KIRREL3: variants seen among roughly 807,000 people sequenced by gnomAD.
KIRREL3 encodes the protein kirre like nephrin family adhesion molecule 3.
Under a neutral mutation model 89.7 loss-of-function variants are expected in KIRREL3, and 36 were observed. That is an observed-to-expected ratio of 0.40 (90% confidence interval 0.31 to 0.53). KIRREL3 has a LOEUF of 0.53. Ranked by LOEUF, KIRREL3 falls within the 20% of genes least tolerant of loss-of-function variation. The probability of loss-of-function intolerance (pLI) is 0.49; values close to 1 mark genes in which losing one functional copy is unlikely to be tolerated. For synonymous variants in KIRREL3, 445 were observed against 441.4 expected, an observed-to-expected ratio of 1.01 and a Z score of -0.10; for missense variants, 864 against 1,056.6, an observed-to-expected ratio of 0.82 and a Z score of 2.53.
At position 126,682,818 on chromosome 11, in the gene KIRREL3, C is replaced by T. The variant is rs1946519035; in HGVS notation, c.56-119906G>A. The stretch of plus-strand genomic sequence containing the variant: ...ATGTTCACTCACCTGCCGCTCACCT[C>T]CTGCTGTGTAGTCTGGTTCCTAACA... On this transcript the variant is annotated intron_variant, in intron 1 of 16. Coordinates refer to ENST00000525144, the MANE Select transcript of KIRREL3 (RefSeq NM_032531.4). The surrounding 1 kb of genome is among the most constrained non-coding windows in gnomAD (Gnocchi z 4.8). 6.6e-6 allele frequency among the ~76,000 whole-genome samples: 1 copy of T among 152,174 alleles called. No individual in the cohort carries two copies. Among genetic ancestry groups the T allele is most frequent in the East Asian group, 1.9e-4 (1 of 5,196 alleles).
At chr11:126,910,543 C>T (rs1946775831) in intron 1 of KIRREL3, among the ~76,000 whole-genome samples, 1 of 152,184 alleles carries the variant, frequency 6.6e-6, no homozygotes. Flanking sequence ...TACTAAGGTC[C>T]AGGCTCCGTG....
At position 126,465,624 on chromosome 11, in the gene KIRREL3, C is replaced by T. The variant is rs962998386; in HGVS notation, c.592-2317G>A. Among the ~76,000 whole-genome samples the T allele has an allele frequency of 6.6e-4, 101 of 152,324 alleles. 1 individual carries two copies. Among genetic ancestry groups the T allele is most frequent in the Admixed American group, 4.8e-3 (74 of 15,296 alleles). On this transcript the variant is annotated intron_variant, in intron 5 of 16. Coordinates refer to ENST00000525144, the MANE Select transcript of KIRREL3 (RefSeq NM_032531.4). ...CAGCACATCTTGCTGGAGGCAAAGC[C>T]GGACTGTGACATTCTAGAGAGCCAC...
chr11:126,807,985 T>A lies in KIRREL3; in HGVS notation c.55+192470A>T, dbSNP rs1951258961. ...CTGGCATGGTGTTATTTTTCCCAAA[T>A]GCACATTTGTGTGAGGCTCAGCACT... On this transcript the variant is annotated intron_variant, in intron 1 of 16. Transcript: ENST00000525144. The surrounding 1 kb of genome is among the most constrained non-coding windows in gnomAD (Gnocchi z 4.3). Among the ~76,000 whole-genome samples, 1 of 152,214 alleles carries A rather than the reference T, an allele frequency of 6.6e-6. No homozygotes were observed. The highest frequency in any genetic ancestry group is 2.1e-4 in the South Asian group (1 of 4,826).
chr11:126,424,786 A>G lies in KIRREL3; in HGVS notation c.2131T>C (p.Phe711Leu), dbSNP rs1319112407. The stretch of plus-strand genomic sequence containing the variant: ...CTGTCGCTGAGGGAGCCTCTCTGGA[A>G]CTCCCGCTCACAAAGCTCGATGGAC... Reference protein sequence around the residue: ...SSSIELCEREFQRGSLSDSSS... With the variant: ...SSSIELCERELQRGSLSDSSS... Residue 711 changes from phenylalanine (F) to leucine (L), a missense_variant, in exon 17 of 17, where the codon TTC becomes CTC. Transcript: ENST00000525144. The G allele has an allele frequency of 1.2e-6, 2 of 1,613,866 alleles. No homozygotes were observed. Among genetic ancestry groups the G allele is most frequent in the Non-Finnish European group, 1.7e-6 (2 of 1,179,872 alleles).
rs1946733547 is a variant in KIRREL3, at chr11:126,909,683, C to A, written c.55+90772G>T. ...CCAAAGAAGGGAGAAATGTCCTTTG[C>A]TCTCCATAACCCTAGGGGAGGCAGG... On this transcript the variant is annotated intron_variant, in intron 1 of 16. Transcript: ENST00000525144. The surrounding 1 kb of genome is among the most constrained non-coding windows in gnomAD (Gnocchi z 4.5). 6.6e-6 allele frequency among the ~76,000 whole-genome samples: 1 copy of A among 152,170 alleles called. No individual in the cohort carries two copies. Among genetic ancestry groups the A allele is most frequent in the African/African-American group, 2.4e-5 (1 of 41,438 alleles).
Position 126,558,937 on chromosome 11 carries a change from G to A in KIRREL3, c.133+3898C>T, listed in dbSNP as rs1301230432. On this transcript the variant is annotated intron_variant, in intron 2 of 16. Transcript: ENST00000525144. This position sits in a 1 kb window ranked among gnomAD's most constrained non-coding sequence, Gnocchi z 4.0. ...GTGCATTGTGTGTGTATGTGTGTGT[G>A]CATGCTCATGTGTGTGTTGGAGATG... 6.6e-6 allele frequency among the ~76,000 whole-genome samples: 1 copy of A among 152,194 alleles called. No individual in the cohort carries two copies. The highest frequency in any genetic ancestry group is 6.5e-5 in the Admixed American group (1 of 15,286).
At chr11:126,616,711 G>A (rs1838935158) in intron 1 of KIRREL3, among the ~76,000 whole-genome samples, 1 of 152,186 alleles carries the variant, frequency 6.6e-6, no homozygotes, top group African/African-American at 2.4e-5. Context: ...GTATGATCAT[G>A]GCTCACTCCA....
intron 1 of KIRREL3, among the ~76,000 whole-genome samples, chr11:126,649,748 G>A (rs1458540228): frequency 6.6e-6 from 1 of 152,162 alleles, no homozygotes; most frequent in Non-Finnish European, 1.5e-5. Context: ...AACGGTGCAA[G>A]CTGTTGGTGG....
At chr11:126,534,557 G>A (rs1018182788) in intron 2 of KIRREL3, among the ~76,000 whole-genome samples, 1 of 152,224 alleles carries the variant, frequency 6.6e-6, no homozygotes, top group Non-Finnish European at 1.5e-5. Context: ...GTCTCTGAGT[G>A]AGAGTCCCTG....
At chr11:126,878,815 A>C (rs113245216) in intron 1 of KIRREL3, among the ~76,000 whole-genome samples, 2,056 of 152,232 alleles carry the variant, frequency 0.014, 49 homozygotes, top group African/African-American at 0.047. Context: ...TAAAGCTTTT[A>C]AGCCTCCCAA....
chr11:127,000,592 TC>T lies in KIRREL3; in HGVS notation c.-84del. 6 of 1,442,528 alleles carry T rather than the reference TC, an allele frequency of 4.2e-6. No individual in the cohort carries two copies. The highest frequency in any genetic ancestry group is 5.7e-6 in the Non-Finnish European group (6 of 1,055,072). 89.4% of individuals were successfully genotyped at this position (1,442,528 alleles called of 1,614,324 possible). A position where few individuals can be genotyped will look rare whatever the true frequency, so the allele number is the denominator to read the frequency against. On this transcript the variant is annotated 5_prime_UTR_variant, in exon 1 of 17. It removes the in-frame stop codon of an upstream open reading frame in the 5' UTR. Transcript: ENST00000525144. This position sits in a 1 kb window ranked among gnomAD's most constrained non-coding sequence, Gnocchi z 7.1. ...CCTTGGCGGCTCTCGGTGCTCAGCC[TC>T]CGCCGGTCCTCTCGGGTTCGCGCCT...
chr11:126,727,593 C>T (rs1359067350), intron 1 of KIRREL3, among the ~76,000 whole-genome samples: 1 of 152,204 alleles, frequency 6.6e-6, no homozygotes, highest in Non-Finnish European at 1.5e-5. Context: ...GCTCTCCTCC[C>T]AGCTCCCTCG....
rs1949756466 is a variant in KIRREL3, at chr11:126,764,443, A to G, written c.56-201531T>C. The stretch of plus-strand genomic sequence containing the variant: ...TGGATTCAGGGCTGTGTGGTTCAAG[A>G]TCAACTTCGCAGAGAAACACCGTTT... On this transcript the variant is annotated intron_variant, in intron 1 of 16. Transcript: ENST00000525144. The surrounding 1 kb of genome is among the most constrained non-coding windows in gnomAD (Gnocchi z 4.2). Among the ~76,000 whole-genome samples the G allele has an allele frequency of 6.6e-6, 1 of 152,112 alleles. No individual in the cohort carries two copies. The highest frequency in any genetic ancestry group is 2.1e-4 in the South Asian group (1 of 4,818).
intron 1 of KIRREL3, among the ~76,000 whole-genome samples, chr11:126,809,031 A>G (rs1241562420): frequency 6.6e-6 from 1 of 152,216 alleles, no homozygotes; most frequent in Non-Finnish European, 1.5e-5. Flanking sequence ...AAAAACAGGC[A>G]AGGAGCCAGC....
At position 126,635,878 on chromosome 11, in the gene KIRREL3, T is replaced by G. The variant is rs1214735884; in HGVS notation, c.56-72966A>C. On this transcript the variant is annotated intron_variant, in intron 1 of 16. Transcript: ENST00000525144. This position sits in a 1 kb window ranked among gnomAD's most constrained non-coding sequence, Gnocchi z 4.0. ...TCCCTCAAGACATCCTCTTTGTTTC[T>G]CATTCCCAATATGAAAATAACAAAC... Among the ~76,000 whole-genome samples, 3 of 152,212 alleles carry G rather than the reference T, an allele frequency of 2.0e-5. No homozygotes were observed. Among genetic ancestry groups the G allele is most frequent in the Non-Finnish European group, 4.4e-5 (3 of 68,040 alleles).
chr11:126,766,162 C>G lies in KIRREL3; in HGVS notation c.56-203250G>C, dbSNP rs1949816937. Among the ~76,000 whole-genome samples the G allele has an allele frequency of 6.6e-6, 1 of 151,918 alleles. No homozygotes were observed. The highest frequency in any genetic ancestry group is 2.1e-4 in the South Asian group (1 of 4,800). On this transcript the variant is annotated intron_variant, in intron 1 of 16. Coordinates refer to ENST00000525144, the MANE Select transcript of KIRREL3 (RefSeq NM_032531.4). The surrounding 1 kb of genome is among the most constrained non-coding windows in gnomAD (Gnocchi z 4.2). ...GCTAGAACAATCATCTCTTAGGATG[C>G]CCACACTAACTGGAGTCTCTACCTC...
At position 126,440,451 on chromosome 11, in the gene KIRREL3, TGCGGTCCG is replaced by T; in HGVS notation, c.1343_1350del (p.Pro448HisfsTer60). ...CCCGCCGTCCCTGGAGCACTCACGA[TGCGGTCCG>T]GCGGCGGCGTGCTCCGGATGAAGCA... On this transcript the variant is annotated frameshift_variant, in exon 11 of 17. Transcript: ENST00000525144. LOFTEE classifies it high-confidence loss of function. 1 of 1,571,554 alleles carries T rather than the reference TGCGGTCCG, an allele frequency of 6.4e-7. No homozygotes were observed. The highest frequency in any genetic ancestry group is 8.6e-7 in the Non-Finnish European group (1 of 1,159,262).
chr11:126,870,987 C>T lies in KIRREL3; in HGVS notation c.55+129468G>A, dbSNP rs1945089265. The stretch of plus-strand genomic sequence containing the variant: ...CATTGCTCCAGAGAAGCAGGTCTGC[C>T]CATGCCCTGGAAGCTGGCTCAGTTT... On this transcript the variant is annotated intron_variant, in intron 1 of 16. Transcript: ENST00000525144. The surrounding 1 kb of genome is among the most constrained non-coding windows in gnomAD (Gnocchi z 4.4). Among the ~76,000 whole-genome samples, 1 of 152,188 alleles carries T rather than the reference C, an allele frequency of 6.6e-6. No homozygotes were observed. The highest frequency in any genetic ancestry group is 1.5e-5 in the Non-Finnish European group (1 of 68,024).
chr11:126,545,842 G>A lies in KIRREL3; in HGVS notation c.133+16993C>T, dbSNP rs182309518. On this transcript the variant is annotated intron_variant, in intron 2 of 16. Transcript: ENST00000525144. Reference sequence around the variant, plus strand: ...GAACAGGGAAGAGCTTTCAAGGGTTGCAGGGCAGGGCCCCCACTGGCGCTG... The same window carrying A: ...GAACAGGGAAGAGCTTTCAAGGGTTACAGGGCAGGGCCCCCACTGGCGCTG... Among the ~76,000 whole-genome samples the A allele has an allele frequency of 2.1e-3, 325 of 152,282 alleles. 3 individuals are homozygous for A. Among genetic ancestry groups the A allele is most frequent in the African/African-American group, 7.4e-3 (306 of 41,560 alleles).
Sources: allele counts gnomAD v4.1 joint callset (sites outside exome capture counted in the v4.1 genomes callset), GRCh38; gene constraint gnomAD v4.1.1; non-coding constraint Gnocchi (gnomAD v3.1); transcripts MANE v1.5; gene names NCBI Gene and HGNC (gene_info 2026-07-23, HGNC 2026-07-21).